CCDC7: variants seen among roughly 807,000 people sequenced by gnomAD.
CCDC7 encodes the protein coiled-coil domain containing 7, also known as coiled-coil domain-containing protein 7.
CCDC7 carries 183 observed loss-of-function variants against 196.9 expected under a neutral mutation model. That is an observed-to-expected ratio of 0.93 (90% CI 0.82 to 1.05). CCDC7 has a LOEUF of 1.05. Among genes scored for constraint, CCDC7 ranks in the 50% least tolerant of loss-of-function variants. The pLI is 0.00. For synonymous variants in CCDC7, 525 were observed against 484.6 expected (o/e 1.08, Z -1.10); for missense variants, 1,540 against 1,482.2 (o/e 1.04, Z -0.64).
intron 32 of CCDC7, among the ~76,000 whole-genome samples, chr10:32,832,136 G>A (rs1241621215): frequency 6.6e-6 from 1 of 152,120 alleles, no homozygotes; most frequent in Non-Finnish European, 1.5e-5. Flanking sequence ...CATCATGTTT[G>A]TATGGTTACA....
At chr10:32,611,795 C>G (rs367637942) in intron 18 of CCDC7, among the ~76,000 whole-genome samples, 1 of 152,158 alleles carries the variant, frequency 6.6e-6, no homozygotes, top group Non-Finnish European at 1.5e-5. Context: ...GTTTTGGCAC[C>G]AGTACCATGC....
chr10:32,765,720 C>T (rs2078179318), intron 28 of CCDC7, among the ~76,000 whole-genome samples: 1 of 151,996 alleles, frequency 6.6e-6, no homozygotes, highest in African/African-American at 2.4e-5. Context: ...GTTCAGAAAA[C>T]AGGTGGATCT....
At chr10:32,693,564 A>G (rs762355379) in intron 23 of CCDC7, among the ~76,000 whole-genome samples, 14 of 152,244 alleles carry the variant, frequency 9.2e-5, no homozygotes, top group Non-Finnish European at 2.1e-4. Context: ...GTACCACATT[A>G]TTTACCATAT....
At chr10:32,457,252 C>T (rs889046499) in intron 3 of CCDC7, among the ~76,000 whole-genome samples, 10 of 152,090 alleles carry the variant, frequency 6.6e-5, no homozygotes, top group African/African-American at 2.2e-4. Context: ...AAATATTTAT[C>T]TTTCTGTTCC....
intron 16 of CCDC7, among the ~76,000 whole-genome samples, chr10:32,572,624 T>C (rs2057710128): frequency 6.6e-6 from 1 of 152,154 alleles, no homozygotes; most frequent in African/African-American, 2.4e-5. Flanking sequence ...ACTAAACATA[T>C]ACTAAAAACT....
chr10:32,627,904 A>G (rs1329299021), intron 18 of CCDC7, among the ~76,000 whole-genome samples: 1 of 151,854 alleles, frequency 6.6e-6, no homozygotes, highest in Non-Finnish European at 1.5e-5. Context: ...GTGTTGTTGA[A>G]TTTGGTTTGA....
chr10:32,473,895 T>A (rs1163739196), intron 7 of CCDC7, 72 bp from the exon 9 acceptor site: 1 of 1,363,096 alleles, frequency 7.3e-7, no homozygotes, highest in East Asian at 2.7e-5. Flanking sequence ...ATTAAAACAA[T>A]AAAATTTAAA....
chr10:32,540,961 A>G (rs1423102684), intron 11 of CCDC7, among the ~76,000 whole-genome samples: 3 of 151,556 alleles, frequency 2.0e-5, no homozygotes, highest in African/African-American at 7.3e-5. Flanking sequence ...ATAGCAAAAT[A>G]TGTTTTCCAG....
At chr10:32,862,076 C>G (rs1318358050) in intron 41 of CCDC7, among the ~76,000 whole-genome samples, 2 of 151,866 alleles carry the variant, frequency 1.3e-5, no homozygotes, top group Non-Finnish European at 2.9e-5. Flanking sequence ...ATATATACCC[C>G]AAGGATTATA....
chr10:32,548,490 G>C (rs567129370), intron 13 of CCDC7, among the ~76,000 whole-genome samples: 21 of 152,294 alleles, frequency 1.4e-4, no homozygotes, highest in African/African-American at 4.6e-4. Flanking sequence ...GAAACTAGGG[G>C]CGAGGAGAAT....
At chr10:32,792,160 T>C (rs2082807348) in intron 29 of CCDC7, among the ~76,000 whole-genome samples, 1 of 152,100 alleles carries the variant, frequency 6.6e-6, no homozygotes, top group Admixed American at 6.5e-5. Flanking sequence ...CGTGAGGGAA[T>C]TTATTACCAC....
downstream of CCDC7, among the ~76,000 whole-genome samples, chr10:32,877,387 A>G (rs1232002399): frequency 6.6e-6 from 1 of 152,120 alleles, no homozygotes; most frequent in Non-Finnish European, 1.5e-5. Context: ...TGGAGAGAAT[A>G]TATGCAGAAA....
rs575862479 is a variant in CCDC7 at position 32,869,863 on chromosome 10, C to A, written c.4112-6484C>A. 8.1e-5 allele frequency among the ~76,000 whole-genome samples: 12 copies of A among 147,914 alleles called. No individual in the cohort carries two copies. In the Admixed American group the frequency reaches 8.2e-4, roughly 10 times the overall value. On this transcript the variant is annotated intron_variant, in intron 41 of 41. Coordinates refer to ENST00000639629, the Ensembl canonical transcript of CCDC7. ...TTTATTAAATAGGGAATCCTTTCCCCATTTCTTGTTTTTGTCAGGTTTGTC... is the reference window on the plus strand; with the variant it reads ...TTTATTAAATAGGGAATCCTTTCCCAATTTCTTGTTTTTGTCAGGTTTGTC...
intron 13 of CCDC7, among the ~76,000 whole-genome samples, chr10:32,561,544 A>G (rs1350899088): frequency 6.6e-6 from 1 of 152,238 alleles, no homozygotes; most frequent in Non-Finnish European, 1.5e-5. Flanking sequence ...CTGCTCCTGA[A>G]TGACTACTGG....
intron 23 of CCDC7, among the ~76,000 whole-genome samples, chr10:32,691,331 T>G (rs1384023543): frequency 6.6e-6 from 1 of 152,100 alleles, no homozygotes; most frequent in Non-Finnish European, 1.5e-5. Flanking sequence ...TGGTGAAAAG[T>G]CCATCAGTGT....
upstream of CCDC7, among the ~76,000 whole-genome samples, chr10:32,445,376 A>C (rs543945132): frequency 6.6e-6 from 1 of 152,296 alleles, no homozygotes; most frequent in South Asian, 2.1e-4. Flanking sequence ...GATATAATGA[A>C]TTTTCAGAGT....
intron 18 of CCDC7, among the ~76,000 whole-genome samples, chr10:32,633,696 A>ATATATG (rs779341941): frequency 3.8e-4 from 52 of 135,230 alleles, no homozygotes; most frequent in African/African-American, 9.2e-4. Flanking sequence ...ATATATATAT[A>ATATATG]TGTGTGTGTG....
intron 18 of CCDC7, among the ~76,000 whole-genome samples, chr10:32,617,263 T>C (rs1374052678): frequency 6.6e-6 from 1 of 151,882 alleles, no homozygotes; most frequent in Admixed American, 6.6e-5. Flanking sequence ...TGATTATTTG[T>C]GTTTTATTTT....
At chr10:32,797,245 G>T (rs573963790) in intron 29 of CCDC7, among the ~76,000 whole-genome samples, 1 of 149,348 alleles carries the variant, frequency 6.7e-6, no homozygotes, top group African/African-American at 2.5e-5. Flanking sequence ...ATATATATGC[G>T]TATATATATG....
Sources: gnomAD v4.1 joint callset for allele counts (sites outside exome capture counted in the v4.1 genomes callset) on GRCh38, gnomAD v4.1.1 for gene constraint, MANE v1.5 for transcripts, NCBI Gene and HGNC (gene_info 2026-07-23, HGNC 2026-07-21) for gene names.